Variants in VGLL3 observed in about 807,000 individuals in gnomAD.
VGLL3 encodes the protein vestigial like family member 3.
In VGLL3, 18 loss-of-function variants were observed where a neutral mutation model predicts 29.2. That is an observed-to-expected ratio of 0.62 (90% CI 0.43 to 0.91). VGLL3 has a LOEUF of 0.91. Among genes scored for constraint, VGLL3 ranks in the 40% least tolerant of loss-of-function variants. The probability of loss-of-function intolerance (pLI) is 0.00; values close to 1 mark genes in which losing one functional copy is unlikely to be tolerated. For synonymous variants in VGLL3, 180 were observed against 151.8 expected (o/e 1.19, Z -1.36); for missense variants, 440 against 413.2 (o/e 1.06, Z -0.56).
intron 3 of VGLL3, among the ~76,000 whole-genome samples, chr3:86,955,503 C>A (rs750234555): frequency 1.3e-5 from 2 of 151,670 alleles, no homozygotes; most frequent in Non-Finnish European, 2.9e-5. Context: ...GATTCTCATG[C>A]CTCAGCCTCC....
intron 3 of VGLL3, chr3:86,961,828 C>A (rs768561043): frequency 4.5e-6 from 3 of 672,998 alleles, no homozygotes; most frequent in Non-Finnish European, 5.5e-6. Context: ...AGTGACAAAG[C>A]TAAATGAGAA....
rs1704524237 is a variant in VGLL3, at chr3:86,947,083, A to G, written c.938-16T>C. 2.6e-6 allele frequency: 2 copies of G among 780,362 alleles called. No homozygotes were observed. Among genetic ancestry groups the G allele is most frequent in the African/African-American group, 1.7e-5 (1 of 59,140 alleles). 48.3% of individuals were successfully genotyped at this position (780,362 alleles called of 1,614,324 possible). On this transcript the variant is annotated splice_polypyrimidine_tract_variant and intron_variant, in intron 3 of 3. Coordinates refer to ENST00000398399, the MANE Select transcript of VGLL3 (RefSeq NM_016206.4). ...TGCTGTAGACCTGGAACAAATGACA[A>G]TGGGGAAAAAATAAAGAACATTAAT...
At position 86,990,272 on chromosome 3, in the gene VGLL3, A is replaced by G; in HGVS notation, c.126+346T>C. 5.1e-6 allele frequency: 5 copies of G among 977,088 alleles called. No individual in the cohort carries two copies. The South Asian group carries it at 2.4e-4, about 46-fold the overall frequency. 60.5% of individuals were successfully genotyped at this position (977,088 alleles called of 1,614,324 possible). A position where few individuals can be genotyped will look rare whatever the true frequency, so the allele number is the denominator to read the frequency against. On this transcript the variant is annotated intron_variant, in intron 1 of 3. Coordinates refer to ENST00000398399, the MANE Select transcript of VGLL3 (RefSeq NM_016206.4). ...CATTCCATCTTTCCAAATAAACAAA[A>G]TAGTTGGTTGAAAGGAAGTTTACTC...
intron 3 of VGLL3, among the ~76,000 whole-genome samples, chr3:86,961,167 A>C (rs1228104359): frequency 6.6e-6 from 1 of 152,062 alleles, no homozygotes; most frequent in African/African-American, 2.4e-5. Flanking sequence ...AAATCTGTGG[A>C]TCTACAGATG....
intron 3 of VGLL3, among the ~76,000 whole-genome samples, chr3:86,964,307 ATC>A (rs1375672468): frequency 5.3e-5 from 8 of 152,186 alleles, no homozygotes; most frequent in Non-Finnish European, 1.0e-4. Context: ...AAATATTTTT[ATC>A]TGTTTCTTTA....
chr3:86,986,219 T>G (rs1348225030), intron 1 of VGLL3, among the ~76,000 whole-genome samples: 1 of 152,120 alleles, frequency 6.6e-6, no homozygotes, highest in Non-Finnish European at 1.5e-5. Context: ...TACTAAGGGC[T>G]AGATAAGGTA....
chr3:86,970,929 A>T (rs999331394), intron 2 of VGLL3, among the ~76,000 whole-genome samples: 2 of 152,174 alleles, frequency 1.3e-5, no homozygotes, highest in Non-Finnish European at 2.9e-5. Context: ...CATTAATTCA[A>T]ATTATCTACG....
chr3:86,969,889 C>A (rs1172676409), intron 2 of VGLL3, among the ~76,000 whole-genome samples: 4 of 151,952 alleles, frequency 2.6e-5, no homozygotes, highest in Non-Finnish European at 5.9e-5. Context: ...ATGAGAAAAT[C>A]CCAGTAGAGA....
rs1224885662 is a variant in VGLL3 at position 86,939,004 on chromosome 3, AC to A, written c.*8019del. The A allele has an allele frequency of 2.0e-5, 3 of 152,120 alleles. No homozygotes were observed. The highest frequency in any genetic ancestry group is 3.9e-4 in the East Asian group (2 of 5,186). The allele number at this position is 152,120 out of a possible 1,614,324, so 9.4% of individuals were successfully genotyped here. A position where few individuals can be genotyped will look rare whatever the true frequency, so the allele number is the denominator to read the frequency against. On this transcript the variant is annotated 3_prime_UTR_variant, in exon 4 of 4. Transcript: ENST00000398399. ...ATCTGCACTAGATGACCTGTTCTCC[AC>A]CCCCTAGACTGCTCATCTTACATAA...
chr3:86,947,112 T>C (rs747010980), intron 3 of VGLL3, 45 bp from the exon 4 acceptor site: 1 of 778,516 alleles, frequency 1.3e-6, no homozygotes, highest in East Asian at 2.4e-5. Flanking sequence ...CATTAATACA[T>C]ATGGTACCAA....
chr3:86,959,758 G>T (rs746517357), intron 3 of VGLL3, among the ~76,000 whole-genome samples: 1 of 152,096 alleles, frequency 6.6e-6, no homozygotes, highest in Non-Finnish European at 1.5e-5. Flanking sequence ...GTACCCCAAT[G>T]AAATTAACAT....
rs943909075 is a variant in VGLL3 at position 86,978,449 on chromosome 3, T to C, written c.403+77A>G. The C allele has an allele frequency of 2.7e-6, 4 of 1,502,950 alleles. No homozygotes were observed. In the Admixed American group the frequency reaches 8.1e-5, roughly 30 times the overall value. The allele number at this position is 1,502,950 out of a possible 1,614,324, so 93.1% of individuals were successfully genotyped here. On this transcript the variant is annotated intron_variant, in intron 2 of 3. Coordinates refer to ENST00000398399, the MANE Select transcript of VGLL3 (RefSeq NM_016206.4). ...GTGGATATCCATCCTCAGGGGCAAG[T>C]CTCCAGCTGGAACCTGGTACAGGCA...
At chr3:86,987,923 C>G (rs368599242) in intron 1 of VGLL3, among the ~76,000 whole-genome samples, 1 of 152,082 alleles carries the variant, frequency 6.6e-6, no homozygotes, top group Non-Finnish European at 1.5e-5. Flanking sequence ...TTGTGCTTAT[C>G]GGAAAACAGG....
intron 3 of VGLL3, among the ~76,000 whole-genome samples, chr3:86,950,989 T>C (rs980190520): frequency 2.0e-5 from 3 of 152,034 alleles, no homozygotes; most frequent in African/African-American, 7.2e-5. Context: ...TTAGACCCAT[T>C]TCCTTACTTC....
rs115586032 is a variant in VGLL3 at position 86,977,862 on chromosome 3, G to A, written c.403+664C>T. ...TTTTATCTAACCCTGTAATTACCCT[G>A]ATTTAGATGTCACCAATAATTTTCT... On this transcript the variant is annotated intron_variant, in intron 2 of 3. Transcript: ENST00000398399. Among the ~76,000 whole-genome samples, 627 of 152,322 alleles carry A rather than the reference G, an allele frequency of 4.1e-3. 6 individuals are homozygous for A. Among genetic ancestry groups the A allele is most frequent in the African/African-American group, 0.014 (597 of 41,564 alleles).
chr3:86,960,598 A>G (rs573423056), intron 3 of VGLL3, among the ~76,000 whole-genome samples: 1 of 152,266 alleles, frequency 6.6e-6, no homozygotes, highest in Non-Finnish European at 1.5e-5. Flanking sequence ...CTTTGCAAGT[A>G]ATTTGTGGAC....
intron 2 of VGLL3, among the ~76,000 whole-genome samples, chr3:86,970,129 A>G (rs985906762): frequency 1.3e-5 from 2 of 152,194 alleles, no homozygotes; most frequent in Non-Finnish European, 2.9e-5. Flanking sequence ...ATATCAAAGA[A>G]TAGCACTTAG....
At chr3:86,988,703 A>AATTTT (rs1441160530) in intron 1 of VGLL3, among the ~76,000 whole-genome samples, 9,413 of 137,690 alleles carry the variant, frequency 0.068, 1,449 homozygotes, top group African/African-American at 0.21. Context: ...AAGAAGGAGA[A>AATTTT]GAAAAAGAAG....
chr3:86,974,918 G>A (rs1705177767), intron 2 of VGLL3, among the ~76,000 whole-genome samples: 1 of 152,134 alleles, frequency 6.6e-6, no homozygotes, highest in Non-Finnish European at 1.5e-5. Flanking sequence ...TAAAGGCTCA[G>A]GGTTTGTTTT....
Sources: gnomAD v4.1 joint callset for allele counts (sites outside exome capture counted in the v4.1 genomes callset) on GRCh38, gnomAD v4.1.1 for gene constraint, MANE v1.5 for transcripts, NCBI Gene and HGNC (gene_info 2026-07-23, HGNC 2026-07-21) for gene names.